The following EDNRB variants were observed in gnomAD, a reference collection of about 807,000 sequenced individuals.
EDNRB encodes the protein endothelin receptor type B.
In EDNRB, 18 loss-of-function variants were observed where a neutral mutation model predicts 46.4. The observed-to-expected ratio is 0.39, with a 90% CI of 0.27 to 0.57. The LOEUF (loss-of-function observed/expected upper bound fraction) is 0.57. Ranked by LOEUF, EDNRB falls within the 20% of genes least tolerant of loss-of-function variation. The pLI is 0.61. For synonymous variants in EDNRB, 213 were observed against 204.9 expected (o/e 1.04, Z -0.34); for missense variants, 434 against 537.5 (o/e 0.81, Z 1.90).
intron 1 of EDNRB, among the ~76,000 whole-genome samples, chr13:77,907,628 T>C (rs569390341): frequency 5.3e-5 from 8 of 152,012 alleles, no homozygotes; most frequent in Non-Finnish European, 1.2e-4. Context: ...AACATTTGGA[T>C]ATTTTAAAAT....
rs1217174470 is a variant in EDNRB, at chr13:77,897,222, C to A, written c.*978G>T. On this transcript the variant is annotated 3_prime_UTR_variant, in exon 7 of 7. Transcript: ENST00000646607. ...GTAAAGCTATGAGCACAGGGCCTGCCCTCATTTAATCATCTACATGCAGTG... is the reference window on the plus strand; with the variant it reads ...GTAAAGCTATGAGCACAGGGCCTGCACTCATTTAATCATCTACATGCAGTG... The A allele has an allele frequency of 3.0e-6, 3 of 985,046 alleles. No individual in the cohort carries two copies. The highest frequency in any genetic ancestry group is 3.6e-6 in the Non-Finnish European group (3 of 829,878). The allele number at this position is 985,046 out of a possible 1,614,324, so 61.0% of individuals were successfully genotyped here.
At chr13:77,930,997 A>G (rs1025634796) in intron 1 of EDNRB, among the ~76,000 whole-genome samples, 7 of 152,208 alleles carry the variant, frequency 4.6e-5, no homozygotes, top group African/African-American at 1.7e-4. Flanking sequence ...CAGCAAAATA[A>G]TGATTTTTGC....
chr13:77,920,841 T>C (rs1485615268), upstream of EDNRB, among the ~76,000 whole-genome samples: 1 of 152,204 alleles, frequency 6.6e-6, no homozygotes, highest in African/African-American at 2.4e-5. Flanking sequence ...CTTTGGAATA[T>C]GAATATTTTG....
At chr13:77,923,662 T>C (rs1162584026), upstream of EDNRB, among the ~76,000 whole-genome samples, 2 of 152,222 alleles carry the variant, frequency 1.3e-5, no homozygotes, top group Non-Finnish European at 2.9e-5. Context: ...GTTTCCATTC[T>C]TTTGATACCT....
intron 1 of EDNRB, among the ~76,000 whole-genome samples, chr13:77,954,904 T>C (rs1379958725): frequency 6.6e-6 from 1 of 152,214 alleles, no homozygotes. Flanking sequence ...ATCTTGGCTA[T>C]TGTAAACAAC....
At chr13:77,927,559 A>G (rs546301986) in intron 1 of EDNRB, among the ~76,000 whole-genome samples, 1 of 152,290 alleles carries the variant, frequency 6.6e-6, no homozygotes, top group African/African-American at 2.4e-5. Context: ...GTGTATTCAT[A>G]TTTTTCCAAT....
Position 77,918,695 on chromosome 13 carries a change from A to G in EDNRB, c.-122T>C. On this transcript the variant is annotated 5_prime_UTR_variant, in exon 1 of 7. Coordinates refer to ENST00000646607, the MANE Select transcript of EDNRB (RefSeq NM_001122659.3). The surrounding 1 kb of genome is among the most constrained non-coding windows in gnomAD (Gnocchi z 4.5). ...CCCGAGCCAAGTCGCTGCAAACGCTAATACCGCCCGCAGCCTCTTCGCCAG... is the reference window on the plus strand; with the variant it reads ...CCCGAGCCAAGTCGCTGCAAACGCTGATACCGCCCGCAGCCTCTTCGCCAG... 1 of 1,404,164 alleles carries G rather than the reference A, an allele frequency of 7.1e-7. No homozygotes were observed. The highest frequency in any genetic ancestry group is 9.2e-7 in the Non-Finnish European group (1 of 1,084,442). The allele number at this position is 1,404,164 out of a possible 1,614,324, so 87.0% of individuals were successfully genotyped here. A position where few individuals can be genotyped will look rare whatever the true frequency, so the allele number is the denominator to read the frequency against.
intron 1 of EDNRB, among the ~76,000 whole-genome samples, chr13:77,967,265 T>G (rs1881608527): frequency 6.6e-6 from 1 of 152,196 alleles, no homozygotes; most frequent in African/African-American, 2.4e-5. Flanking sequence ...TTGTCTTCTT[T>G]AATCTCTTCT....
At chr13:77,974,615 CCTCTCT>C (rs3039630) in intron 1 of EDNRB, among the ~76,000 whole-genome samples, 1 of 135,886 alleles carries the variant, frequency 7.4e-6, no homozygotes, top group African/African-American at 3.0e-5. Flanking sequence ...CTCCTCTCTG[CCTCTCT>C]CTCTCTCTCT....
At chr13:77,956,685 A>T (rs1438159093) in intron 1 of EDNRB, among the ~76,000 whole-genome samples, 2 of 152,220 alleles carry the variant, frequency 1.3e-5, no homozygotes, top group African/African-American at 4.8e-5. Context: ...CTGGGCTAAA[A>T]TCAAGGCTGT....
intron 1 of EDNRB, among the ~76,000 whole-genome samples, chr13:77,952,687 A>G (rs1881125327): frequency 6.6e-6 from 1 of 152,230 alleles, no homozygotes; most frequent in African/African-American, 2.4e-5. Flanking sequence ...ACCCTCTATT[A>G]GATAATGTGA....
chr13:77,968,053 T>G (rs1351728253), intron 1 of EDNRB, among the ~76,000 whole-genome samples: 4 of 152,182 alleles, frequency 2.6e-5, no homozygotes, highest in African/African-American at 9.6e-5. Flanking sequence ...ATGACTGAAC[T>G]CTGACAAAAG....
chr13:77,928,691 C>T (rs1389380859), intron 1 of EDNRB, among the ~76,000 whole-genome samples: 1 of 152,114 alleles, frequency 6.6e-6, no homozygotes, highest in East Asian at 1.9e-4. Context: ...CACAGCTTCT[C>T]TGAAGTCAAG....
chr13:77,958,539 A>AT (rs888524299), intron 1 of EDNRB, among the ~76,000 whole-genome samples: 21 of 151,698 alleles, frequency 1.4e-4, no homozygotes, highest in Non-Finnish European at 2.2e-4. Context: ...CACCTGGCCA[A>AT]TTTTTTGTAT....
chr13:77,947,293 G>GTT (rs565198556), intron 1 of EDNRB, among the ~76,000 whole-genome samples: 10 of 137,274 alleles, frequency 7.3e-5, no homozygotes, highest in East Asian at 2.1e-4. Context: ...CTCAACATCT[G>GTT]TTTTTTTTTT....
intron 1 of EDNRB, among the ~76,000 whole-genome samples, chr13:77,966,698 G>T (rs566371662): frequency 6.6e-6 from 1 of 152,144 alleles, no homozygotes. Flanking sequence ...CTTCTTTTGC[G>T]CAGTTACTCT....
intron 1 of EDNRB, among the ~76,000 whole-genome samples, chr13:77,932,880 G>T (rs1880444521): frequency 6.6e-6 from 1 of 152,024 alleles, no homozygotes; most frequent in Admixed American, 6.6e-5. Context: ...TAAAACAAAT[G>T]AATAAATCAG....
intron 1 of EDNRB, among the ~76,000 whole-genome samples, chr13:77,951,866 A>G (rs1881099796): frequency 1.3e-5 from 2 of 152,116 alleles, no homozygotes; most frequent in African/African-American, 4.8e-5. Flanking sequence ...TCTTTACTCA[A>G]GTATGCACCC....
chr13:77,919,298 T>C, upstream of EDNRB: 1 of 1,307,502 alleles, frequency 7.6e-7, no homozygotes, highest in Non-Finnish European at 1.0e-6. Context: ...ATAGGCTTAA[T>C]TTTTATTTTT....
Sources: allele counts gnomAD v4.1 joint callset (sites outside exome capture counted in the v4.1 genomes callset), GRCh38; gene constraint gnomAD v4.1.1; non-coding constraint Gnocchi (gnomAD v3.1); transcripts MANE v1.5; gene names NCBI Gene and HGNC (gene_info 2026-07-23, HGNC 2026-07-21).